The following RPS5 variants were observed in gnomAD, a reference collection of about 807,000 sequenced individuals.
RPS5 encodes ribosomal protein S5.
Under a neutral mutation model 20.9 loss-of-function variants are expected in RPS5, and 2 were observed. That is an observed-to-expected ratio of 0.10 (90% confidence interval 0.04 to 0.30). The LOEUF (loss-of-function observed/expected upper bound fraction) is 0.30, where lower values mean the gene tolerates loss of function less well. Ranked by LOEUF, RPS5 falls within the 10% of genes least tolerant of loss-of-function variation. The probability of loss-of-function intolerance (pLI) is 1.00; values close to 1 mark genes in which losing one functional copy is unlikely to be tolerated. For missense variants in RPS5, 122 were observed against 287.2 expected (o/e 0.42, Z 4.16); for synonymous variants, 112 against 105.8 (o/e 1.06, Z -0.36).
rs6721 is a variant in RPS5, at chr19:58,393,029, G to A, written c.162G>A (p.Gly54=). 0.088 allele frequency: 142,248 copies of A among 1,613,938 alleles called. 8,789 individuals carry two copies. The highest frequency in any genetic ancestry group is 0.35 in the East Asian group (15,620 of 44,882). Residue 54 remains glycine, a synonymous_variant, in exon 3 of 6, where the codon GGG becomes GGA. Transcript: ENST00000196551. The part of the protein sequence containing the change: ...KYAKYLPHSA[G]RYAAKRFRKA... ...CCAAGTACCTGCCTCACAGTGCAGGGCGGTATGCCGCCAAACGCTTCCGCA... is the reference window on the plus strand; with the variant it reads ...CCAAGTACCTGCCTCACAGTGCAGGACGGTATGCCGCCAAACGCTTCCGCA...
intron 2 of RPS5, among the ~76,000 whole-genome samples, chr19:58,391,858 G>A (rs935725201): frequency 3.3e-5 from 5 of 151,826 alleles, no homozygotes; most frequent in South Asian, 2.1e-4. Context: ...CCTGGGAGGC[G>A]GAGGTTTCAG....
At position 58,394,764 on chromosome 19, in the gene RPS5, T is replaced by C. The variant is rs765659860; in HGVS notation, c.*14T>C. Reference sequence around the variant, plus strand: ...TCCAACCGCTGATTTTCCCAGCTGCTGCCCAATAAACCTGTCTGCCCTTTG... The same window carrying C: ...TCCAACCGCTGATTTTCCCAGCTGCCGCCCAATAAACCTGTCTGCCCTTTG... On this transcript the variant is annotated 3_prime_UTR_variant, in exon 6 of 6. Transcript: ENST00000196551. The C allele has an allele frequency of 9.3e-6, 15 of 1,613,754 alleles. 1 individual carries two copies. In the South Asian group the frequency reaches 1.5e-4, roughly 17 times the overall value.
At chr19:58,393,649 C>T in intron 4 of RPS5, 162 bp downstream of exon 4, 2 of 873,858 alleles carry the variant, frequency 2.3e-6, no homozygotes, top group Non-Finnish European at 3.4e-6. Flanking sequence ...GGGGCTGATC[C>T]AGGCTCTGGG....
chr19:58,393,001 A>G lies in RPS5; in HGVS notation c.134A>G (p.Tyr45Cys). The change falls in exon 3 of 6, where the codon TAT becomes TGT. Residue 45 changes from tyrosine (Y) to cysteine (C), a missense_variant. Coordinates refer to ENST00000196551, the MANE Select transcript of RPS5 (RefSeq NM_001009.4). ...LQDYIAVKEK[Y>C]AKYLPHSAGR... ...GATTACATTGCAGTGAAGGAGAAGT[A>G]TGCCAAGTACCTGCCTCACAGTGCA... 1 of 1,613,904 alleles carries G rather than the reference A, an allele frequency of 6.2e-7. No homozygotes were observed. The highest frequency in any genetic ancestry group is 8.5e-7 in the Non-Finnish European group (1 of 1,179,844).
In RPS5 at chr19:58,393,192, C is replaced by T. The variant is rs1228344252; in HGVS notation, c.318+7C>T. The T allele has an allele frequency of 6.2e-7, 1 of 1,614,182 alleles. No homozygotes were observed. On this transcript the variant is annotated splice_region_variant and intron_variant, in intron 3 of 5. Transcript: ENST00000196551. ...ACACCTGCTCACAGGCGAGGTAGGG[C>T]TCTGTGGCCTGGTGAGGGCAGGCTG... is the stretch of plus-strand genomic sequence containing the variant.
chr19:58,392,291 T>C (rs916146059), intron 2 of RPS5, among the ~76,000 whole-genome samples: 7 of 148,838 alleles, frequency 4.7e-5, no homozygotes, highest in African/African-American at 1.7e-4. Flanking sequence ...GCCACTGCAC[T>C]CCAGCCTGGG....
At chr19:58,393,902 T>C (rs1467999399) in intron 4 of RPS5, 4 of 185,238 alleles carry the variant, frequency 2.2e-5, no homozygotes, top group African/African-American at 7.1e-5. Flanking sequence ...ATTTAGCATC[T>C]GTCCCCAGAA....
intron 2 of RPS5, among the ~76,000 whole-genome samples, chr19:58,390,813 T>C (rs2052358271): frequency 6.6e-6 from 1 of 152,074 alleles, no homozygotes; most frequent in Admixed American, 6.6e-5. Context: ...TGCTGCATAG[T>C]GAAAGCCCTG....
At chr19:58,390,413 C>G (rs1336388917) in intron 2 of RPS5, among the ~76,000 whole-genome samples, 1 of 145,808 alleles carries the variant, frequency 6.9e-6, no homozygotes, top group African/African-American at 2.5e-5. Context: ...GTGGGCCACA[C>G]TGGCCACTGT....
chr19:58,387,733 CAT>C lies in RPS5; in HGVS notation c.-2+398_-2+399del, dbSNP rs1176302859. On this transcript the variant is annotated intron_variant, in intron 1 of 5. Transcript: ENST00000196551. ...CGGTACCTACCGTGGTCCTTGATGTCATATAACGGTCCCGCCTCACGGCCAAA... is the reference window on the plus strand; with the variant it reads ...CGGTACCTACCGTGGTCCTTGATGTCATAACGGTCCCGCCTCACGGCCAAA... 4 of 243,948 alleles carry C rather than the reference CAT, an allele frequency of 1.6e-5. No individual in the cohort carries two copies. The Admixed American group carries it at 2.0e-4, about 12-fold the overall frequency. 15.1% of individuals were successfully genotyped at this position (243,948 alleles called of 1,614,324 possible).
In RPS5 at chr19:58,394,532, T is replaced by C; in HGVS notation, c.483T>C (p.Ala161=). 6.2e-7 allele frequency: 1 copy of C among 1,614,158 alleles called. No individual in the cohort carries two copies. Among genetic ancestry groups the C allele is most frequent in the Non-Finnish European group, 8.5e-7 (1 of 1,180,032 alleles). The part of the protein sequence containing the change: ...IWLLCTGARE[A]AFRNIKTIAE... The stretch of plus-strand genomic sequence containing the variant: ...TGCTGTGCACAGGCGCTCGTGAGGC[T>C]GCCTTCCGGAACATTAAGACCATTG... The change falls in exon 5 of 6, where the codon GCT becomes GCC. Residue 161 remains alanine (A), a synonymous_variant. Transcript: ENST00000196551.
At chr19:58,390,356 A>G (rs1374258103) in intron 2 of RPS5, among the ~76,000 whole-genome samples, 1 of 148,690 alleles carries the variant, frequency 6.7e-6, no homozygotes, top group Non-Finnish European at 1.5e-5. Context: ...CACTGCGCCC[A>G]GCCCACAAAC....
intron 2 of RPS5, 24 bp from the exon 3 acceptor site, chr19:58,392,952 A>G (rs748792780): frequency 1.9e-6 from 3 of 1,609,698 alleles, no homozygotes; most frequent in Admixed American, 3.3e-5. Flanking sequence ...TTTTCCCTTC[A>G]TTTCCTGCTC....
At chr19:58,393,820 A>G (rs2052379687) in intron 4 of RPS5, 1 of 262,820 alleles carries the variant, frequency 3.8e-6, no homozygotes, top group African/African-American at 2.2e-5. Context: ...GGTGTCTTTA[A>G]AAACAAAGAT....
chr19:58,392,543 T>C (rs766475197), intron 2 of RPS5, among the ~76,000 whole-genome samples: 122 of 151,648 alleles, frequency 8.0e-4, no homozygotes, highest in East Asian at 3.9e-4. Flanking sequence ...GAGAACCATT[T>C]GAACCTCGGA....
At chr19:58,388,006 C>T (rs1159130122) in intron 1 of RPS5, 131 bp from the exon 2 acceptor site, 2 of 631,154 alleles carry the variant, frequency 3.2e-6, no homozygotes. Context: ...ACGTTCACGG[C>T]CTTTCTTGGT....
At position 58,390,220 on chromosome 19, in the gene RPS5, GTC is replaced by G. The variant is rs1228317459; in HGVS notation, c.108+1983_108+1984del. On this transcript the variant is annotated intron_variant, in intron 2 of 5. Transcript: ENST00000196551. ...GTTATTTATTTATTTGTGAGACAGAGTCTCTCTCTGCCTCCCAGGCTGGAGTG... is the reference window on the plus strand; with the variant it reads ...GTTATTTATTTATTTGTGAGACAGAGTCTCTCTGCCTCCCAGGCTGGAGTG... Among the ~76,000 whole-genome samples, 7 of 148,026 alleles carry G rather than the reference GTC, an allele frequency of 4.7e-5. No homozygotes were observed. The East Asian group carries it at 1.0e-3, about 22-fold the overall frequency.
chr19:58,388,972 G>A (rs956552623), intron 2 of RPS5, among the ~76,000 whole-genome samples: 1 of 151,988 alleles, frequency 6.6e-6, no homozygotes, highest in Non-Finnish European at 1.5e-5. Context: ...ATATTCCACT[G>A]GTCTATATGT....
At chr19:58,392,799 G>GT (rs1337706640) in intron 2 of RPS5, among the ~76,000 whole-genome samples, 177 bp from the exon 3 acceptor site, 1 of 152,114 alleles carries the variant, frequency 6.6e-6, no homozygotes. Flanking sequence ...CCTGTTCAGG[G>GT]TTTTTTTCCT....
Sources: allele counts gnomAD v4.1 joint callset (sites outside exome capture counted in the v4.1 genomes callset), GRCh38; gene constraint gnomAD v4.1.1; transcripts MANE v1.5; gene names NCBI Gene and HGNC (gene_info 2026-07-23, HGNC 2026-07-21).